The following CTBP1 variants were observed in gnomAD, a reference collection of about 807,000 sequenced individuals.
CTBP1 encodes the protein C-terminal-binding protein 1.
CTBP1 carries 11 observed loss-of-function variants against 42.1 expected under a neutral mutation model. The observed-to-expected ratio is 0.26, with a 90% CI of 0.16 to 0.43. The LOEUF (loss-of-function observed/expected upper bound fraction) is 0.43, where lower values mean the gene tolerates loss of function less well. Among genes scored for constraint, CTBP1 ranks in the 20% least tolerant of loss-of-function variants. The pLI, the probability that CTBP1 is intolerant of heterozygous loss-of-function variation, is 1.00. For missense variants in CTBP1, 399 were observed against 624.3 expected (o/e 0.64, Z 3.85); for synonymous variants, 324 against 277.1 (o/e 1.17, Z -1.68).
intron 1 of CTBP1, chr4:1,242,487 T>C (rs1247506605): frequency 2.0e-6 from 2 of 984,960 alleles, no homozygotes; most frequent in Non-Finnish European, 2.4e-6. Context: ...AGGCCGCCCC[T>C]GCGCAGAGGC....
chr4:1,242,404 TG>T (rs1732271539), intron 1 of CTBP1: 1 of 985,200 alleles, frequency 1.0e-6, no homozygotes, highest in African/African-American at 1.7e-5. Context: ...ATGGCAGGCG[TG>T]GGCTGAGACG....
chr4:1,244,373 G>A, intron 1 of CTBP1: 3 of 980,036 alleles, frequency 3.1e-6, no homozygotes, highest in Non-Finnish European at 1.2e-6. Flanking sequence ...GGTGTTCCAG[G>A]AAGTCCCAGG....
At chr4:1,239,249 G>A (rs531913388) in intron 2 of CTBP1, among the ~76,000 whole-genome samples, 76 of 152,272 alleles carry the variant, frequency 5.0e-4, no homozygotes, top group Middle Eastern at 3.4e-3. Flanking sequence ...GGCACCGCCC[G>A]ACCGCCCCGT....
rs547463349 is a variant in CTBP1, at chr4:1,239,307, T to C, written c.8-970A>G. 7.9e-5 allele frequency among the ~76,000 whole-genome samples: 12 copies of C among 152,288 alleles called. No individual in the cohort carries two copies. In the East Asian group the frequency reaches 2.3e-3, roughly 29 times the overall value. Reference sequence around the variant, plus strand: ...GGGCCACTGTCAGCCCCACGGCAGCTGGGCAGAGGCGGAGCTGGGGCCAGG... The same window carrying C: ...GGGCCACTGTCAGCCCCACGGCAGCCGGGCAGAGGCGGAGCTGGGGCCAGG... On this transcript the variant is annotated intron_variant, in intron 2 of 9. Coordinates refer to ENST00000382952, the MANE Select transcript of CTBP1 (RefSeq NM_001012614.2).
intron 3 of CTBP1, chr4:1,236,943 G>C: frequency 1.5e-6 from 1 of 679,832 alleles, no homozygotes; most frequent in Non-Finnish European, 2.7e-6. Context: ...ATGGGGCTCA[G>C]GGCAAACCCC....
chr4:1,223,351 G>A lies in CTBP1; in HGVS notation c.514+2009C>T, dbSNP rs1043188836. 4.8e-5 allele frequency: 21 copies of A among 434,782 alleles called. No homozygotes were observed. In the East Asian group the frequency reaches 1.1e-3, roughly 23 times the overall value. The allele number at this position is 434,782 out of a possible 1,614,324, so 26.9% of individuals were successfully genotyped here. Reference sequence around the variant, plus strand: ...TCCTGGTGGGGGCACCAGCAAGACCGTGAGAGACGTGTCCAGGAAGAGACA... The same window carrying A: ...TCCTGGTGGGGGCACCAGCAAGACCATGAGAGACGTGTCCAGGAAGAGACA... On this transcript the variant is annotated intron_variant, in intron 5 of 9. Coordinates refer to ENST00000382952, the MANE Select transcript of CTBP1 (RefSeq NM_001012614.2).
At position 1,228,240 on chromosome 4, in the gene CTBP1, C is replaced by T. The variant is rs1308863196; in HGVS notation, c.266G>A (p.Ser89Asn). The change falls in exon 4 of 10, where the codon AGT (serine) becomes AAT (asparagine). Residue 89 changes from serine (S) to asparagine (N), a missense_variant. Ser to Asn is a conservative substitution (Grantham distance 46). Around this residue, in one of 4 missense-constraint regions of CTBP1, gnomAD observed 309 missense variants for 497.5 expected, o/e 0.62. Coordinates refer to ENST00000382952, the MANE Select transcript of CTBP1 (RefSeq NM_001012614.2). ...CTTGATGTCGATGTTGTCAAAACCA[C>T]TGCCAATCCGGACGATGATGCGGAG... The part of the protein sequence containing the change: ...KALRIIVRIG[S>N]GFDNIDIKSA... 5 of 1,614,226 alleles carry T rather than the reference C, an allele frequency of 3.1e-6. No individual in the cohort carries two copies.
At chr4:1,247,720 C>T (rs971105531) in intron 1 of CTBP1, among the ~76,000 whole-genome samples, 1 of 137,554 alleles carries the variant, frequency 7.3e-6, no homozygotes, top group African/African-American at 2.6e-5. Flanking sequence ...TCCCGAGGGA[C>T]GTGTGCTCCC....
At chr4:1,240,350 G>C (rs113123748) in intron 2 of CTBP1, among the ~76,000 whole-genome samples, 648 of 68,802 alleles carry the variant, frequency 9.4e-3, no homozygotes, top group Non-Finnish European at 0.016. Flanking sequence ...CCGCGTGGGG[G>C]ACTCCCGGGT....
chr4:1,237,718 A>C (rs1731699322), intron 3 of CTBP1: 1 of 688,442 alleles, frequency 1.5e-6, no homozygotes, highest in Non-Finnish European at 2.6e-6. Context: ...CCCCGTGTCC[A>C]CCTCCTGATG....
rs186959801 is a variant in CTBP1, at chr4:1,244,304, T to C, written c.-188-2785A>G. ...TGCCCCGGCACACTGGGGGTCACCATGGGCTGGGACCTGCCCCGATCCAGA... is the reference window on the plus strand; with the variant it reads ...TGCCCCGGCACACTGGGGGTCACCACGGGCTGGGACCTGCCCCGATCCAGA... On this transcript the variant is annotated intron_variant, in intron 1 of 9. Transcript: ENST00000382952. 185 of 979,248 alleles carry C rather than the reference T, an allele frequency of 1.9e-4. No individual in the cohort carries two copies. In the African/African-American group the frequency reaches 3.0e-3, roughly 16 times the overall value. 60.7% of individuals were successfully genotyped at this position (979,248 alleles called of 1,614,324 possible).
chr4:1,230,842 G>C (rs768378684), intron 3 of CTBP1, among the ~76,000 whole-genome samples: 1 of 152,258 alleles, frequency 6.6e-6, no homozygotes, highest in Non-Finnish European at 1.5e-5. Flanking sequence ...ATCTAGGTAA[G>C]CTCGGAGAAG....
intron 5 of CTBP1, among the ~76,000 whole-genome samples, chr4:1,221,177 C>T (rs914053141): frequency 2.6e-5 from 4 of 152,354 alleles, no homozygotes; most frequent in Admixed American, 1.3e-4. Context: ...GGAGGTGCTC[C>T]GAGTGGCCAA....
chr4:1,229,230 A>G (rs1730710269), intron 3 of CTBP1, among the ~76,000 whole-genome samples: 2 of 152,184 alleles, frequency 1.3e-5, no homozygotes, highest in Non-Finnish European at 2.9e-5. Context: ...AGGCCGAAGA[A>G]CCAGGTGCAG....
At chr4:1,225,716 G>A (rs896089569) in intron 4 of CTBP1, 150 bp from the exon 5 acceptor site, 3 of 794,036 alleles carry the variant, frequency 3.8e-6, no homozygotes, top group South Asian at 3.7e-5. Context: ...GCCACGAGAT[G>A]AACACGTTGC....
chr4:1,215,425 G>C (rs560876424), intron 6 of CTBP1: 1 of 198,386 alleles, frequency 5.0e-6, no homozygotes, highest in South Asian at 8.9e-5. Context: ...ACTCCCTGAA[G>C]GGCCTGGAGC....
chr4:1,245,203 A>G (rs1364429003), intron 1 of CTBP1: 2 of 985,284 alleles, frequency 2.0e-6, no homozygotes, highest in Non-Finnish European at 2.4e-6. Flanking sequence ...ACCGCACTCC[A>G]CGGGGCCTGC....
At chr4:1,240,608 G>A (rs1220232509) in intron 2 of CTBP1, among the ~76,000 whole-genome samples, 3 of 137,560 alleles carry the variant, frequency 2.2e-5, no homozygotes, top group Non-Finnish European at 3.2e-5. Flanking sequence ...CGGGTCCCTC[G>A]TCGGAACCGC....
chr4:1,227,489 C>G (rs953324664), intron 4 of CTBP1, among the ~76,000 whole-genome samples: 1 of 146,964 alleles, frequency 6.8e-6, no homozygotes, highest in African/African-American at 2.6e-5. Context: ...GTGCTGAGTG[C>G]ATGTGCACGG....
Sources: gnomAD v4.1 joint callset for allele counts (sites outside exome capture counted in the v4.1 genomes callset) on GRCh38, gnomAD v4.1.1 for gene constraint, gnomAD v4.1.1 regional missense constraint, MANE v1.5 for transcripts, NCBI Gene and HGNC (gene_info 2026-07-23, HGNC 2026-07-21) for gene names.